The following CMSS1 variants were observed in gnomAD, a reference collection of about 807,000 sequenced individuals.
The protein encoded by CMSS1 is cms1 ribosomal small subunit homolog, also known as protein CMSS1.
A neutral mutation model predicts 43.5 loss-of-function variants in CMSS1; 33 were observed. That is an observed-to-expected ratio of 0.76 (90% CI 0.57 to 1.01). The LOEUF (loss-of-function observed/expected upper bound fraction) is 1.01. Ranked by LOEUF, CMSS1 falls within the 50% of genes least tolerant of loss-of-function variation. The probability of loss-of-function intolerance (pLI) is 0.00; values close to 1 mark genes in which losing one functional copy is unlikely to be tolerated. For synonymous variants in CMSS1, 115 were observed against 117.2 expected, an observed-to-expected ratio of 0.98 and a Z score of 0.12; for missense variants, 313 against 326.4, an observed-to-expected ratio of 0.96 and a Z score of 0.32.
intron 8 of CMSS1, among the ~76,000 whole-genome samples, chr3:100,173,314 C>G (rs927248089): frequency 6.6e-6 from 1 of 152,228 alleles, no homozygotes; most frequent in Non-Finnish European, 1.5e-5. Context: ...TACTTGTACG[C>G]AGCGCTACGC....
intron 1 of CMSS1, among the ~76,000 whole-genome samples, chr3:100,036,252 T>C (rs1002786807): frequency 9.8e-5 from 15 of 152,292 alleles, no homozygotes; most frequent in African/African-American, 3.6e-4. Flanking sequence ...CTACATCTCA[T>C]TTCCCACTAA....
chr3:100,087,651 C>T (rs948273580), intron 1 of CMSS1, among the ~76,000 whole-genome samples: 68 of 151,840 alleles, frequency 4.5e-4, no homozygotes, highest in African/African-American at 1.5e-3. Context: ...ATATAACTTG[C>T]GAGTTTTTTT....
At chr3:99,849,123 C>G (rs778627224) in intron 1 of CMSS1, 1 of 1,614,148 alleles carries the variant, frequency 6.2e-7, no homozygotes, top group African/African-American at 1.3e-5. Context: ...ATGGAGTAGA[C>G]TGGCTGCATT....
chr3:100,015,777 G>A, intron 1 of CMSS1, among the ~76,000 whole-genome samples: 1 of 152,140 alleles, frequency 6.6e-6, no homozygotes, highest in East Asian at 1.9e-4. Context: ...GTACACAGAA[G>A]GCACTCACTG....
At chr3:100,072,727 GACTTATCACCTGACCTC>G (rs1333726267) in intron 1 of CMSS1, among the ~76,000 whole-genome samples, 1 of 152,182 alleles carries the variant, frequency 6.6e-6, no homozygotes, top group African/African-American at 2.4e-5. Flanking sequence ...AGGTGATGAG[GACTTATCACCTGACCTC>G]ACTTGATAAT....
intron 6 of CMSS1, among the ~76,000 whole-genome samples, chr3:100,171,521 A>C (rs2067109974): frequency 1.3e-5 from 2 of 152,184 alleles, no homozygotes; most frequent in Admixed American, 1.3e-4. Context: ...ATTTTCTGCC[A>C]GGGACCTGAA....
At chr3:99,991,110 C>T (rs1334066050) in intron 1 of CMSS1, among the ~76,000 whole-genome samples, 1 of 152,118 alleles carries the variant, frequency 6.6e-6, no homozygotes, top group African/African-American at 2.4e-5. Flanking sequence ...AAAATTCTTC[C>T]CATCTCCCCC....
chr3:100,148,422 T>G (rs1464343487), intron 2 of CMSS1, among the ~76,000 whole-genome samples: 2 of 152,160 alleles, frequency 1.3e-5, no homozygotes, highest in Non-Finnish European at 2.9e-5. Flanking sequence ...CAATCCAAAG[T>G]TACTATATTT....
intron 1 of CMSS1, among the ~76,000 whole-genome samples, chr3:100,000,089 A>G (rs1315942225): frequency 6.6e-6 from 1 of 152,166 alleles, no homozygotes; most frequent in African/African-American, 2.4e-5. Flanking sequence ...AGTTGATTCT[A>G]ATATATAATC....
At chr3:100,141,873 A>G (rs890744426) in intron 1 of CMSS1, among the ~76,000 whole-genome samples, 5 of 152,218 alleles carry the variant, frequency 3.3e-5, no homozygotes, top group African/African-American at 1.2e-4. Flanking sequence ...GCACAGGCCC[A>G]GCTTAGCCTC....
At chr3:99,963,108 C>T (rs1281446360) in intron 1 of CMSS1, among the ~76,000 whole-genome samples, 1 of 152,192 alleles carries the variant, frequency 6.6e-6, no homozygotes, top group African/African-American at 2.4e-5. Context: ...AGCCTGCCTA[C>T]AGAGGGTAAA....
intron 1 of CMSS1, among the ~76,000 whole-genome samples, chr3:100,001,402 T>C (rs565386011): frequency 5.3e-5 from 8 of 152,340 alleles, no homozygotes; most frequent in Non-Finnish European, 8.8e-5. Flanking sequence ...TATCTGGCTT[T>C]TTAGGGAAAA....
chr3:100,108,538 C>T (rs2066432289), intron 1 of CMSS1, among the ~76,000 whole-genome samples: 1 of 152,108 alleles, frequency 6.6e-6, no homozygotes, highest in African/African-American at 2.4e-5. Flanking sequence ...ACATTAAATG[C>T]ATTGTGGTAC....
rs553468767 is a variant in CMSS1 at position 100,089,896 on chromosome 3, C to T, written c.65-57077C>T. Among the ~76,000 whole-genome samples, 82 of 152,310 alleles carry T rather than the reference C, an allele frequency of 5.4e-4. 2 individuals are homozygous for T. The highest frequency in any genetic ancestry group is 3.4e-3 in the Middle Eastern group (1 of 294). On this transcript the variant is annotated intron_variant, in intron 1 of 9. Transcript: ENST00000421999. ...CAAGTCTTGTCTTCCGTTTCCTAGG[C>T]TGTGAACTGTAGGAATTGACTCAGA... is the stretch of plus-strand genomic sequence containing the variant.
intron 1 of CMSS1, among the ~76,000 whole-genome samples, chr3:99,992,687 G>GT (rs909530631): frequency 2.1e-4 from 31 of 150,820 alleles, no homozygotes; most frequent in South Asian, 4.2e-4. Flanking sequence ...AATTTGTCTA[G>GT]TTTTTTTTTG....
At position 100,181,199 on chromosome 3, in the gene CMSS1, A is replaced by C. The variant is rs1227708730; in HGVS notation, c.*2811A>C. The C allele has an allele frequency of 6.6e-6, 1 of 152,234 alleles. No homozygotes were observed. The highest frequency in any genetic ancestry group is 2.4e-5 in the African/African-American group (1 of 41,464). The allele number at this position is 152,234 out of a possible 1,614,324, so 9.4% of individuals were successfully genotyped here. On this transcript the variant is annotated 3_prime_UTR_variant, in exon 10 of 10. Coordinates refer to ENST00000421999, the MANE Select transcript of CMSS1 (RefSeq NM_032359.4). ...TTGGGTGGGGACACAGCCAAACCAC[A>C]TCAGCAGGGTAGTGGTAGAAAGAGC...
intron 1 of CMSS1, among the ~76,000 whole-genome samples, chr3:99,826,778 G>T (rs935659256): frequency 2.0e-5 from 3 of 152,170 alleles, no homozygotes; most frequent in African/African-American, 7.2e-5. Flanking sequence ...AATATCTCAA[G>T]ATTAGTTCAG....
chr3:99,924,147 T>G, intron 1 of CMSS1: 2 of 1,145,386 alleles, frequency 1.7e-6, no homozygotes, highest in Non-Finnish European at 2.5e-6. Context: ...TGTGTCATAT[T>G]TATCTTTGTA....
At chr3:100,112,949 A>T (rs150320114) in intron 1 of CMSS1, among the ~76,000 whole-genome samples, 7 of 152,344 alleles carry the variant, frequency 4.6e-5, no homozygotes, top group Non-Finnish European at 8.8e-5. Context: ...CATCACAGGA[A>T]AAACAAGTTT....
Sources: allele counts gnomAD v4.1 joint callset (sites outside exome capture counted in the v4.1 genomes callset), GRCh38; gene constraint gnomAD v4.1.1; transcripts MANE v1.5; gene names NCBI Gene and HGNC (gene_info 2026-07-23, HGNC 2026-07-21).